CPEB2: variants seen among roughly 807,000 people sequenced by gnomAD.
The protein encoded by CPEB2 is cytoplasmic polyadenylation element binding protein 2, also known as cytoplasmic polyadenylation element-binding protein 2.
A neutral mutation model predicts 93.6 loss-of-function variants in CPEB2; 56 were observed. The ratio of observed to expected loss-of-function variants is 0.60; its 90% CI spans 0.48 to 0.75. The LOEUF is 0.75. CPEB2 is among the 30% of genes least tolerant of loss of function. CPEB2 has a pLI of 0.00. For missense variants in CPEB2, 1,579 were observed against 1,395.1 expected (o/e 1.13, Z -2.10); for synonymous variants, 764 against 586.3 (o/e 1.30, Z -4.38).
At chr4:15,065,238 A>G (rs1729596648) in intron 11 of CPEB2, among the ~76,000 whole-genome samples, 1 of 152,054 alleles carries the variant, frequency 6.6e-6, no homozygotes. Context: ...TCAGAATACA[A>G]ACTGTTGGGT....
At chr4:15,048,304 C>T (rs1026615335) in intron 6 of CPEB2, among the ~76,000 whole-genome samples, 1 of 151,830 alleles carries the variant, frequency 6.6e-6, no homozygotes, top group Non-Finnish European at 1.5e-5. Context: ...TTTTCTTCTT[C>T]AAAAGTCTAG....
Position 15,003,062 on chromosome 4 carries a change from G to T in CPEB2, c.389G>T (p.Gly130Val). 6.6e-7 allele frequency: 1 copy of T among 1,524,084 alleles called. No individual in the cohort carries two copies. 94.4% of individuals were successfully genotyped at this position (1,524,084 alleles called of 1,614,324 possible). A position where few individuals can be genotyped will look rare whatever the true frequency, so the allele number is the denominator to read the frequency against. Reference protein sequence around the residue: ...DHHPGGGTIAGVTHLLPSQDF... With the variant: ...DHHPGGGTIAVVTHLLPSQDF... The stretch of plus-strand genomic sequence containing the variant: ...CACCCCGGCGGCGGCACGATCGCGG[G>T]TGTGACCCACCTCCTCCCCTCCCAG... The change falls in exon 1 of 12, where the codon GGT becomes GTT. Residue 130 changes from glycine to valine, a missense_variant. Transcript: ENST00000538197.
At chr4:15,062,056 G>A in intron 10 of CPEB2, 23 bp from the exon 11 acceptor site, 2 of 1,568,174 alleles carry the variant, frequency 1.3e-6, no homozygotes, top group South Asian at 1.2e-5. Context: ...CACATTTGAT[G>A]TAAACTTCTT....
chr4:15,039,938 A>C (rs1005547640), intron 5 of CPEB2, among the ~76,000 whole-genome samples: 11 of 152,134 alleles, frequency 7.2e-5, no homozygotes, highest in Non-Finnish European at 1.5e-4. Context: ...CAGGCTTCAG[A>C]GTATCAGTTT....
chr4:15,032,962 T>C (rs192888999), intron 4 of CPEB2, among the ~76,000 whole-genome samples, 199 bp from the exon 5 acceptor site: 83 of 152,296 alleles, frequency 5.4e-4, no homozygotes, highest in African/African-American at 1.9e-3. Context: ...AAGGTTAACT[T>C]TTTGTTTTGC....
Position 15,067,118 on chromosome 4 carries a change from T to C in CPEB2, c.*738T>C, listed in dbSNP as rs1012565726. The C allele has an allele frequency of 1.3e-5, 2 of 152,526 alleles. No homozygotes were observed. Among genetic ancestry groups the C allele is most frequent in the Non-Finnish European group, 2.9e-5 (2 of 68,018 alleles). 9.4% of individuals were successfully genotyped at this position (152,526 alleles called of 1,614,324 possible). A position where few individuals can be genotyped will look rare whatever the true frequency, so the allele number is the denominator to read the frequency against. The stretch of plus-strand genomic sequence containing the variant: ...AGTTTTAGAATGTGAAAAAAATGCA[T>C]GTTTACTTACCTGTATACACCATAT... On this transcript the variant is annotated 3_prime_UTR_variant, in exon 12 of 12. Transcript: ENST00000538197.
rs1433328142 is a variant in CPEB2 at position 15,069,245 on chromosome 4, C to T, written c.*2865C>T. On this transcript the variant is annotated 3_prime_UTR_variant, in exon 12 of 12. Transcript: ENST00000538197. ...TTGCATCTGGCTGCACAGAGCCTCT[C>T]CTCAAAGATGCTACAAAACTTGAAT... is the stretch of plus-strand genomic sequence containing the variant. 6.6e-6 allele frequency: 1 copy of T among 152,178 alleles called. No individual in the cohort carries two copies. The highest frequency in any genetic ancestry group is 1.9e-4 in the East Asian group (1 of 5,148). 9.4% of individuals were successfully genotyped at this position (152,178 alleles called of 1,614,324 possible). A position where few individuals can be genotyped will look rare whatever the true frequency, so the allele number is the denominator to read the frequency against.
chr4:15,056,211 G>A (rs914989173), intron 8 of CPEB2, among the ~76,000 whole-genome samples: 5 of 152,120 alleles, frequency 3.3e-5, no homozygotes, highest in African/African-American at 9.7e-5. Context: ...CAAGTAGATG[G>A]GGGAAAGCTT....
intron 5 of CPEB2, 90 bp from the exon 6 acceptor site, chr4:15,040,374 C>A: frequency 1.7e-6 from 2 of 1,199,976 alleles, no homozygotes; most frequent in Non-Finnish European, 2.4e-6. Flanking sequence ...TTTTCAGATG[C>A]CCACATAGCT....
At chr4:15,018,186 T>A (rs1246550249) in intron 4 of CPEB2, among the ~76,000 whole-genome samples, 1 of 151,876 alleles carries the variant, frequency 6.6e-6, no homozygotes, top group Non-Finnish European at 1.5e-5. Flanking sequence ...CATTTTTAAT[T>A]CTATAAAGCC....
At chr4:15,041,496 G>A (rs1290066484) in intron 6 of CPEB2, among the ~76,000 whole-genome samples, 2 of 151,556 alleles carry the variant, frequency 1.3e-5, no homozygotes, top group African/African-American at 2.4e-5. Context: ...TCTGCTTCCC[G>A]GATTCAAGCA....
At chr4:15,048,625 T>G (rs1727937365) in intron 6 of CPEB2, among the ~76,000 whole-genome samples, 1 of 152,068 alleles carries the variant, frequency 6.6e-6, no homozygotes, top group Non-Finnish European at 1.5e-5. Context: ...GCTGTTCTTT[T>G]TCTAGCTTTT....
At chr4:15,045,608 A>G (rs970358413) in intron 6 of CPEB2, among the ~76,000 whole-genome samples, 1 of 152,132 alleles carries the variant, frequency 6.6e-6, no homozygotes, top group African/African-American at 2.4e-5. Flanking sequence ...ACCATAAGCA[A>G]AAAAAATCTG....
rs1325410604 is a variant in CPEB2 at position 15,003,394 on chromosome 4, C to A, written c.721C>A (p.Gln241Lys). 7.3e-7 allele frequency: 1 copy of A among 1,371,404 alleles called. No individual in the cohort carries two copies. The highest frequency in any genetic ancestry group is 9.3e-7 in the Non-Finnish European group (1 of 1,073,482). The allele number at this position is 1,371,404 out of a possible 1,614,324, so 85.0% of individuals were successfully genotyped here. ...QPPQQFSLLH[Q>K]QHLSPQDFAP... ...GCCGCAGCAGTTCAGCCTCCTGCAT[C>A]AGCAGCACCTCTCGCCGCAGGACTT... The change falls in exon 1 of 12, where the codon CAG becomes AAG. Residue 241 changes from glutamine (Q) to lysine (K), a missense_variant. Gln to Lys is a moderately conservative substitution (Grantham distance 53, BLOSUM62 1). This residue lies in a region of CPEB2 where 1,411 missense variants were observed against 1,056.0 expected (regional missense o/e 1.34). Transcript: ENST00000538197.
At chr4:15,014,293 CT>C (rs1241414035) in intron 3 of CPEB2, among the ~76,000 whole-genome samples, 81 of 151,914 alleles carry the variant, frequency 5.3e-4, no homozygotes, top group African/African-American at 1.9e-3. Flanking sequence ...AATATATTTC[CT>C]TTGTGAGGAT....
intron 3 of CPEB2, among the ~76,000 whole-genome samples, chr4:15,016,985 T>G (rs1405662308): frequency 2.6e-5 from 4 of 151,988 alleles, no homozygotes; most frequent in Non-Finnish European, 4.4e-5. Context: ...CTTTAAGAGA[T>G]AAATATACTG....
intron 4 of CPEB2, among the ~76,000 whole-genome samples, chr4:15,018,938 A>T (rs1724491978): frequency 1.4e-4 from 2 of 14,268 alleles, no homozygotes; most frequent in Non-Finnish European, 2.0e-4. Context: ...GGGGAATTTT[A>T]TATATATATA....
intron 11 of CPEB2, chr4:15,063,595 G>A (rs1420097416): frequency 1.3e-5 from 2 of 152,060 alleles, no homozygotes; most frequent in African/African-American, 4.8e-5. Context: ...GTACAGCAGT[G>A]GTTTAGACCG....
Position 15,003,598 on chromosome 4 carries a change from C to A in CPEB2, c.925C>A (p.Pro309Thr). ...AGLASSTPVN[P>T]APGSMESPNH... The stretch of plus-strand genomic sequence containing the variant: ...CTTGGCCTCCTCGACGCCGGTGAAC[C>A]CCGCGCCGGGCTCCATGGAGTCCCC... The change falls in exon 1 of 12, where the codon CCC (proline) becomes ACC (threonine). Residue 309 changes from proline (P) to threonine (T), a missense_variant. Around this residue, in one of 2 missense-constraint regions of CPEB2, gnomAD observed 1,411 missense variants for 1,056.0 expected, o/e 1.34. Coordinates refer to ENST00000538197, the MANE Select transcript of CPEB2 (RefSeq NM_001177382.2). 1 of 1,476,884 alleles carries A rather than the reference C, an allele frequency of 6.8e-7. No individual in the cohort carries two copies. The highest frequency in any genetic ancestry group is 8.9e-7 in the Non-Finnish European group (1 of 1,118,190). 91.5% of individuals were successfully genotyped at this position (1,476,884 alleles called of 1,614,324 possible).
Sources: gnomAD v4.1 joint callset for allele counts (sites outside exome capture counted in the v4.1 genomes callset) on GRCh38, gnomAD v4.1.1 for gene constraint, gnomAD v4.1.1 regional missense constraint, MANE v1.5 for transcripts, NCBI Gene and HGNC (gene_info 2026-07-23, HGNC 2026-07-21) for gene names.